The following CTNNA3 variants were observed in gnomAD, a reference collection of about 807,000 sequenced individuals.
CTNNA3 encodes the protein catenin alpha 3.
In CTNNA3, 76 loss-of-function variants were observed where a neutral mutation model predicts 95.7. The observed-to-expected ratio is 0.79, with a 90% CI of 0.66 to 0.96. The LOEUF is 0.96. CTNNA3 is among the 40% of genes least tolerant of loss of function. The pLI is 0.00. For synonymous variants in CTNNA3, 431 were observed against 374.4 expected (o/e 1.15, Z -1.74); for missense variants, 1,191 against 1,089.8 (o/e 1.09, Z -1.31).
At chr10:67,300,473 C>G (rs1415059797) in intron 5 of CTNNA3, among the ~76,000 whole-genome samples, 7 of 152,112 alleles carry the variant, frequency 4.6e-5, no homozygotes, top group Non-Finnish European at 2.9e-5. Context: ...AAACAGCATC[C>G]TCTGGCCTTC....
At chr10:66,321,669 C>T (rs1051608235) in intron 12 of CTNNA3, among the ~76,000 whole-genome samples, 1 of 151,976 alleles carries the variant, frequency 6.6e-6, no homozygotes, top group African/African-American at 2.4e-5. Flanking sequence ...TGATTGTTTC[C>T]ATAAACAAAG....
intron 10 of CTNNA3, among the ~76,000 whole-genome samples, chr10:66,553,016 T>C (rs1842268263): frequency 1.3e-5 from 2 of 152,140 alleles, no homozygotes; most frequent in Admixed American, 1.3e-4. Flanking sequence ...TTTTTATGCA[T>C]GAAGTCTATT....
intron 12 of CTNNA3, among the ~76,000 whole-genome samples, chr10:66,364,122 G>A (rs1217302315): frequency 1.3e-5 from 2 of 151,272 alleles, no homozygotes; most frequent in African/African-American, 2.4e-5. Flanking sequence ...TAGTCTTTAT[G>A]TACTTCTCTT....
intron 5 of CTNNA3, among the ~76,000 whole-genome samples, chr10:67,274,575 CAT>C (rs1427685642): frequency 6.6e-6 from 1 of 152,112 alleles, no homozygotes; most frequent in African/African-American, 2.4e-5. Context: ...CACCTGTAAT[CAT>C]AGCACTTTAG....
At chr10:66,636,098 A>G (rs1410497079) in intron 9 of CTNNA3, among the ~76,000 whole-genome samples, 1 of 151,794 alleles carries the variant, frequency 6.6e-6, no homozygotes, top group African/African-American at 2.4e-5. Context: ...AAATTTACAA[A>G]TATGTGCATG....
intron 12 of CTNNA3, among the ~76,000 whole-genome samples, chr10:66,354,196 A>G (rs1039324643): frequency 6.6e-6 from 1 of 151,950 alleles, no homozygotes; most frequent in Non-Finnish European, 1.5e-5. Context: ...AGGCAGGGAG[A>G]ATCGCTTGAA....
In CTNNA3 at chr10:66,245,282, C is replaced by T. The variant is rs115465266; in HGVS notation, c.1884+35188G>A. ...CTGGCCCTGGAAGCACATTGGTGCC[C>T]AGAAGCTCAGAGACACAAGGAACTA... On this transcript the variant is annotated intron_variant, in intron 13 of 17. Coordinates refer to ENST00000433211, the MANE Select transcript of CTNNA3 (RefSeq NM_013266.4). Among the ~76,000 whole-genome samples, 272 of 152,206 alleles carry T rather than the reference C, an allele frequency of 1.8e-3. 2 individuals carry two copies. The highest frequency in any genetic ancestry group is 6.4e-3 in the African/African-American group (264 of 41,536).
chr10:66,027,808 T>C (rs1178131404), intron 15 of CTNNA3, among the ~76,000 whole-genome samples: 1 of 152,188 alleles, frequency 6.6e-6, no homozygotes, highest in East Asian at 1.9e-4. Flanking sequence ...TCCTTTATCT[T>C]GGCTCAAAAA....
chr10:67,591,065 T>G (rs566832598), intron 3 of CTNNA3, among the ~76,000 whole-genome samples: 1 of 152,222 alleles, frequency 6.6e-6, no homozygotes, highest in African/African-American at 2.4e-5. Flanking sequence ...GAGTTGACTT[T>G]TTGTCTATAG....
At chr10:66,631,192 C>A (rs1478785635) in intron 9 of CTNNA3, among the ~76,000 whole-genome samples, 1 of 152,148 alleles carries the variant, frequency 6.6e-6, no homozygotes, top group South Asian at 2.1e-4. Flanking sequence ...TTTTGCTTTA[C>A]CTCTCTGTCT....
chr10:66,634,314 T>G (rs1034695235), intron 9 of CTNNA3, among the ~76,000 whole-genome samples: 1 of 152,142 alleles, frequency 6.6e-6, no homozygotes, highest in Non-Finnish European at 1.5e-5. Flanking sequence ...ATATAATGAT[T>G]ACATAGAAAA....
At chr10:67,419,774 C>T (rs928171294) in intron 5 of CTNNA3, among the ~76,000 whole-genome samples, 8 of 152,174 alleles carry the variant, frequency 5.3e-5, no homozygotes, top group African/African-American at 1.7e-4. Flanking sequence ...TGTAAAAACA[C>T]CAGTACAGTA....
chr10:66,127,715 A>G (rs559407758), intron 13 of CTNNA3, among the ~76,000 whole-genome samples: 1 of 152,312 alleles, frequency 6.6e-6, no homozygotes, highest in African/African-American at 2.4e-5. Context: ...ATTTTTAACA[A>G]AAGTACTATA....
intron 15 of CTNNA3, among the ~76,000 whole-genome samples, chr10:66,054,438 CCTCAAGGTAGTT>C (rs2080031819): frequency 2.6e-5 from 4 of 151,988 alleles, no homozygotes; most frequent in Non-Finnish European, 5.9e-5. Context: ...GGTGAGGTGA[CCTCAAGGTAGTT>C]TTAATTTGCA....
intron 7 of CTNNA3, among the ~76,000 whole-genome samples, chr10:66,839,610 C>T (rs1175321491): frequency 6.6e-6 from 1 of 152,080 alleles, no homozygotes; most frequent in East Asian, 1.9e-4. Context: ...ATAGACAACT[C>T]TTCCATGATA....
At chr10:67,316,838 C>A (rs1264365468) in intron 5 of CTNNA3, among the ~76,000 whole-genome samples, 1 of 152,078 alleles carries the variant, frequency 6.6e-6, no homozygotes, top group Non-Finnish European at 1.5e-5. Context: ...AATGCCTATA[C>A]TTCCAAATCC....
At chr10:66,533,694 C>T (rs1424973087) in intron 10 of CTNNA3, among the ~76,000 whole-genome samples, 1 of 152,104 alleles carries the variant, frequency 6.6e-6, no homozygotes, top group Non-Finnish European at 1.5e-5. Context: ...CTTTGCAAGC[C>T]TACTAATTTA....
intron 9 of CTNNA3, among the ~76,000 whole-genome samples, chr10:66,623,023 C>A (rs556992717): frequency 6.6e-6 from 1 of 152,128 alleles, no homozygotes; most frequent in Non-Finnish European, 1.5e-5. Context: ...TTGAAAAGGT[C>A]TTTTGTTGGC....
intron 5 of CTNNA3, among the ~76,000 whole-genome samples, chr10:67,477,361 G>C (rs1017201018): frequency 3.3e-5 from 5 of 152,012 alleles, no homozygotes; most frequent in Non-Finnish European, 7.4e-5. Context: ...CACCCCCGGG[G>C]GCAAAGCAGG....
Sources: allele counts gnomAD v4.1 joint callset (sites outside exome capture counted in the v4.1 genomes callset), GRCh38; gene constraint gnomAD v4.1.1; transcripts MANE v1.5; gene names NCBI Gene and HGNC (gene_info 2026-07-23, HGNC 2026-07-21).